Variants in RHCE observed in about 807,000 individuals in gnomAD.
RHCE encodes blood group Rh(CE) polypeptide.
Under a neutral mutation model 43.8 loss-of-function variants are expected in RHCE, and 22 were observed. The observed-to-expected ratio is 0.50, with a 90% CI of 0.36 to 0.72. RHCE has a LOEUF of 0.72. RHCE is among the 30% of genes least tolerant of loss of function. The pLI is 0.00. For synonymous variants in RHCE, 156 were observed against 210.7 expected (o/e 0.74, Z 2.25); for missense variants, 385 against 525.4 (o/e 0.73, Z 2.61).
intron 3 of RHCE, chr1:25,399,307 G>A (rs1416807975): frequency 2.5e-6 from 2 of 815,002 alleles, no homozygotes; most frequent in African/African-American, 3.3e-5. Context: ...GTCCATTGGT[G>A]GACAGCCTTC....
chr1:25,400,992 T>C (rs1213664657), intron 3 of RHCE, among the ~76,000 whole-genome samples: 1 of 152,174 alleles, frequency 6.6e-6, no homozygotes, highest in Non-Finnish European at 1.5e-5. Context: ...TGGCCATCAC[T>C]GCTGCTCTGG....
chr1:25,430,134 G>C (rs2042840614), exon 1 of RHCE: 1 of 151,928 alleles, frequency 6.6e-6, no homozygotes, highest in Admixed American at 6.6e-5. Context: ...GGGGCCCACA[G>C]CGCTGCCCAG....
chr1:25,391,845 A>C, intron 4 of RHCE, 149 bp downstream of exon 4: 1 of 1,135,742 alleles, frequency 8.8e-7, no homozygotes, highest in South Asian at 1.3e-5. Flanking sequence ...TGAATTTAGC[A>C]AACACTACTC....
At chr1:25,421,420 G>C (rs183468999), upstream of RHCE, among the ~76,000 whole-genome samples, 94 of 152,290 alleles carry the variant, frequency 6.2e-4, no homozygotes, top group African/African-American at 2.2e-3. Context: ...GCATTTTAAG[G>C]GGGGGTGGCA....
At chr1:25,395,648 C>A (rs1466481870) in intron 3 of RHCE, among the ~76,000 whole-genome samples, 1 of 151,930 alleles carries the variant, frequency 6.6e-6, no homozygotes, top group African/African-American at 2.4e-5. Context: ...AGGGAGTTCT[C>A]ATTAATCCTT....
intron 3 of RHCE, among the ~76,000 whole-genome samples, chr1:25,394,863 G>A (rs1468553090): frequency 6.6e-6 from 1 of 151,938 alleles, no homozygotes; most frequent in Non-Finnish European, 1.5e-5. Context: ...TTCATTTCTT[G>A]AGCTGGTGCA....
At chr1:25,392,858 C>T (rs1332515951) in intron 3 of RHCE, among the ~76,000 whole-genome samples, 9 of 152,060 alleles carry the variant, frequency 5.9e-5, no homozygotes, top group Admixed American at 3.9e-4. Context: ...CCACCACGCC[C>T]GGCCTATCAG....
intron 1 of RHCE, chr1:25,419,688 C>T (rs1461828859): frequency 8.1e-5 from 12 of 148,468 alleles, no homozygotes; most frequent in Admixed American, 6.7e-4. Context: ...GTTGTCTCAT[C>T]ACAGTCTGGG....
rs1401527769 is a variant in RHCE, at chr1:25,362,358, C to G, written c.*169G>C. ...TAAACTTATTAAATTGACTCTTAAA[C>G]TAAGTTTTTAGTCTTTAATTTTTTA... On this transcript the variant is annotated 3_prime_UTR_variant, in exon 10 of 10. Transcript: ENST00000294413. The G allele has an allele frequency of 1.4e-6, 2 of 1,464,296 alleles. No homozygotes were observed. The highest frequency in any genetic ancestry group is 1.9e-6 in the Non-Finnish European group (2 of 1,074,898). 90.7% of individuals were successfully genotyped at this position (1,464,296 alleles called of 1,614,324 possible). A position where few individuals can be genotyped will look rare whatever the true frequency, so the allele number is the denominator to read the frequency against.
chr1:25,399,629 T>C (rs1646666779), intron 3 of RHCE, among the ~76,000 whole-genome samples: 1 of 152,156 alleles, frequency 6.6e-6, no homozygotes, highest in African/African-American at 2.4e-5. Flanking sequence ...AATTAGACAG[T>C]GTTTAATTTT....
intron 3 of RHCE, among the ~76,000 whole-genome samples, chr1:25,394,067 C>T (rs1002609507): frequency 2.0e-5 from 3 of 152,174 alleles, no homozygotes; most frequent in Non-Finnish European, 2.9e-5. Flanking sequence ...TGGCTCACTG[C>T]AAACTTCACC....
In RHCE at chr1:25,402,894, A is replaced by T. The variant is rs564498328; in HGVS notation, c.336-148T>A. ...AAGATTTCTACCCACCTGGGCGCTGATGCTGCAGAGTGGAGTGACCATCTC... is the reference window on the plus strand; with the variant it reads ...AAGATTTCTACCCACCTGGGCGCTGTTGCTGCAGAGTGGAGTGACCATCTC... On this transcript the variant is annotated intron_variant, in intron 2 of 9. Transcript: ENST00000294413. 53 of 1,178,624 alleles carry T rather than the reference A, an allele frequency of 4.5e-5. 1 individual carries two copies. The highest frequency in any genetic ancestry group is 4.1e-4 in the East Asian group (16 of 39,302). The allele number at this position is 1,178,624 out of a possible 1,614,324, so 73.0% of individuals were successfully genotyped here.
intron 1 of RHCE, among the ~76,000 whole-genome samples, chr1:25,409,507 C>CT (rs1647007804): frequency 8.0e-6 from 1 of 124,668 alleles, no homozygotes; most frequent in African/African-American, 2.5e-5. Context: ...GCAGAGGCTG[C>CT]TGTGGCAGGT....
At chr1:25,418,853 T>G (rs1417331941) in intron 1 of RHCE, among the ~76,000 whole-genome samples, 2 of 152,190 alleles carry the variant, frequency 1.3e-5, no homozygotes, top group Non-Finnish European at 2.9e-5. Flanking sequence ...AAAGTGAGTT[T>G]CTGAGGACAT....
chr1:25,379,481 ATATATATATATATATTTT>A (rs1448660278), intron 7 of RHCE, among the ~76,000 whole-genome samples: 4 of 17,928 alleles, frequency 2.2e-4, no homozygotes, highest in South Asian at 1.7e-3. Context: ...ATATATATAT[ATATATATATATATATTTT>A]TTTTTTTTTT....
Position 25,387,717 on chromosome 1 carries a change from T to C in RHCE, c.939+1259A>G, listed in dbSNP as rs188273021. 4.0e-3 allele frequency among the ~76,000 whole-genome samples: 612 copies of C among 152,316 alleles called. 3 individuals are homozygous for C. The highest frequency in any genetic ancestry group is 0.013 in the African/African-American group (553 of 41,578). ...CGAAGTATTGATACGTTTTTCCTTA[T>C]TTATTTTATTTTATTTTTTAATGAC... On this transcript the variant is annotated intron_variant, in intron 6 of 9. Transcript: ENST00000294413.
At chr1:25,383,871 G>A (rs1205186564) in intron 7 of RHCE, among the ~76,000 whole-genome samples, 2 of 152,290 alleles carry the variant, frequency 1.3e-5, no homozygotes, top group South Asian at 2.1e-4. Flanking sequence ...TGTGGGAAGC[G>A]TTTGTACCAT....
intron 7 of RHCE, among the ~76,000 whole-genome samples, chr1:25,382,123 C>G (rs1223000866): frequency 2.0e-5 from 3 of 150,528 alleles, no homozygotes; most frequent in African/African-American, 7.5e-5. Flanking sequence ...TCTTATAAGT[C>G]ACCAGTGCCA....
At chr1:25,404,515 T>A (rs1418158291) in intron 2 of RHCE, among the ~76,000 whole-genome samples, 1 of 150,726 alleles carries the variant, frequency 6.6e-6, no homozygotes, top group East Asian at 1.9e-4. Flanking sequence ...CCTGGACAGG[T>A]TATTCCTTTT....
Sources: allele counts gnomAD v4.1 joint callset (sites outside exome capture counted in the v4.1 genomes callset), GRCh38; gene constraint gnomAD v4.1.1; transcripts MANE v1.5; gene names NCBI Gene and HGNC (gene_info 2026-07-23, HGNC 2026-07-21).